Variants in SNAP91 observed in about 807,000 individuals in gnomAD.
SNAP91 encodes clathrin coat assembly protein AP180.
A neutral mutation model predicts 100.3 loss-of-function variants in SNAP91; 27 were observed. The ratio of observed to expected loss-of-function variants is 0.27; its 90% CI spans 0.20 to 0.37. The LOEUF is 0.37. SNAP91 is among the 10% of genes least tolerant of loss of function. The pLI, the probability that SNAP91 is intolerant of heterozygous loss-of-function variation, is 1.00. For missense variants in SNAP91, 986 were observed against 1,123.7 expected (o/e 0.88, Z 1.75); for synonymous variants, 404 against 398.6 (o/e 1.01, Z -0.16).
chr6:83,580,344 A>G (rs1274403272), intron 24 of SNAP91, 106 bp downstream of exon 24: 5 of 1,165,662 alleles, frequency 4.3e-6, no homozygotes, highest in African/African-American at 1.6e-5. Flanking sequence ...CCCATAAGAG[A>G]GTCCAGAAAC....
At position 83,601,355 on chromosome 6, in the gene SNAP91, T is replaced by C. The variant is rs1453162356; in HGVS notation, c.1240A>G (p.Thr414Ala). 6.2e-7 allele frequency: 1 copy of C among 1,613,522 alleles called. No homozygotes were observed. ...GCTGAGGCAGTTGCAATTTCAGCAG[T>C]TGTAGTAGGAGGGGTAGGTTCTGGT... ...FAPEPTPPTT[T>A]AEIATASASA... The change falls in exon 16 of 30, where the codon ACT (threonine) becomes GCT (alanine). Residue 414 changes from threonine to alanine, a missense_variant. Transcript: ENST00000369694.
chr6:83,692,869 C>G (rs970416198), intron 2 of SNAP91, among the ~76,000 whole-genome samples: 1 of 152,296 alleles, frequency 6.6e-6, no homozygotes, highest in South Asian at 2.1e-4. Flanking sequence ...CTTTACCCAT[C>G]TAGTTAATTA....
At chr6:83,680,377 C>T (rs2098971755) in intron 2 of SNAP91, among the ~76,000 whole-genome samples, 1 of 152,036 alleles carries the variant, frequency 6.6e-6, no homozygotes, top group African/African-American at 2.4e-5. Flanking sequence ...TTCATTCAAG[C>T]AGTAGAAAAA....
intron 22 of SNAP91, among the ~76,000 whole-genome samples, chr6:83,583,339 G>GT (rs1223538168): frequency 6.6e-5 from 10 of 152,064 alleles, no homozygotes; most frequent in Admixed American, 1.3e-4. Flanking sequence ...TTCTTTTCAT[G>GT]TTTTTTCCAC....
At position 83,593,279 on chromosome 6, in the gene SNAP91, T is replaced by C. The variant is rs201713356; in HGVS notation, c.1697-20A>G. 1.4e-4 allele frequency: 222 copies of C among 1,575,136 alleles called. No homozygotes were observed. In the African/African-American group the frequency reaches 2.7e-3, roughly 19 times the overall value. ...ATAAATCTAAGACCAAGAACACACA[T>C]GCCTTTACTCAACTTGAACAATAAG... is the stretch of plus-strand genomic sequence containing the variant. On this transcript the variant is annotated intron_variant, in intron 18 of 29. Coordinates refer to ENST00000369694, the MANE Select transcript of SNAP91 (RefSeq NM_001242792.2).
At chr6:83,611,266 T>G (rs531125773) in intron 11 of SNAP91, among the ~76,000 whole-genome samples, 3 of 152,226 alleles carry the variant, frequency 2.0e-5, no homozygotes, top group Admixed American at 6.5e-5. Flanking sequence ...ATTCCCATCA[T>G]CCTGTTATAA....
intron 6 of SNAP91, among the ~76,000 whole-genome samples, chr6:83,658,335 C>A (rs867622171): frequency 6.6e-6 from 1 of 152,040 alleles, no homozygotes; most frequent in South Asian, 2.1e-4. Flanking sequence ...CTAGGCCAGG[C>A]GTGGTGGCTC....
intron 7 of SNAP91, among the ~76,000 whole-genome samples, chr6:83,643,062 T>A (rs1433226078): frequency 1.3e-5 from 2 of 152,216 alleles, no homozygotes; most frequent in South Asian, 2.1e-4. Context: ...TAAATTTGTT[T>A]GAGTTCTTTG....
chr6:83,593,069 T>G, intron 19 of SNAP91, 52 bp from the exon 20 acceptor site: 1 of 1,541,974 alleles, frequency 6.5e-7, no homozygotes, highest in Non-Finnish European at 8.8e-7. Flanking sequence ...AGTAGAAAGC[T>G]GAAATCAAAG....
intron 7 of SNAP91, among the ~76,000 whole-genome samples, chr6:83,643,344 T>A (rs1053150866): frequency 6.6e-6 from 1 of 152,230 alleles, no homozygotes; most frequent in Non-Finnish European, 1.5e-5. Flanking sequence ...AAGTCTTTAA[T>A]CCATCTTGAA....
intron 6 of SNAP91, 99 bp from the exon 7 acceptor site, chr6:83,656,964 T>C: frequency 1.7e-6 from 1 of 599,318 alleles, no homozygotes; most frequent in South Asian, 2.1e-5. Flanking sequence ...AAGAAATTCA[T>C]GAATATTCTA....
chr6:83,600,320 C>T (rs1397820665), intron 16 of SNAP91, among the ~76,000 whole-genome samples: 2 of 152,096 alleles, frequency 1.3e-5, no homozygotes, highest in African/African-American at 4.8e-5. Flanking sequence ...AATGTATGTT[C>T]CCAGGGGTAC....
intron 7 of SNAP91, among the ~76,000 whole-genome samples, chr6:83,644,716 A>C (rs2097849040): frequency 6.6e-6 from 1 of 152,232 alleles, no homozygotes; most frequent in African/African-American, 2.4e-5. Flanking sequence ...TCAGGGAGAC[A>C]GCTTACTTAC....
At chr6:83,708,197 C>A in intron 1 of SNAP91, 1 of 435,164 alleles carries the variant, frequency 2.3e-6, no homozygotes, top group Admixed American at 4.6e-5. Context: ...CATCGTGACA[C>A]CGTCCCCATT....
At chr6:83,568,185 G>A (rs989491613) in intron 26 of SNAP91, among the ~76,000 whole-genome samples, 2 of 152,156 alleles carry the variant, frequency 1.3e-5, no homozygotes, top group African/African-American at 4.8e-5. Context: ...ATGAGTTCAC[G>A]TCTTTTGTAG....
At chr6:83,603,307 T>A (rs2095399572) in intron 14 of SNAP91, among the ~76,000 whole-genome samples, 2 of 152,172 alleles carry the variant, frequency 1.3e-5, no homozygotes, top group Admixed American at 6.5e-5. Flanking sequence ...GCCCATTAGC[T>A]TACCTATTGG....
chr6:83,565,568 T>C (rs1795383173), intron 26 of SNAP91, among the ~76,000 whole-genome samples: 1 of 152,202 alleles, frequency 6.6e-6, no homozygotes. Context: ...ATTTTTAATT[T>C]GTCTTTGATC....
intron 17 of SNAP91, among the ~76,000 whole-genome samples, 179 bp downstream of exon 17, chr6:83,594,195 A>T (rs980708024): frequency 6.6e-6 from 1 of 152,244 alleles, no homozygotes; most frequent in African/African-American, 2.4e-5. Context: ...GTCAATTTTG[A>T]TAAGTATGTA....
chr6:83,658,927 T>G, intron 6 of SNAP91, 72 bp downstream of exon 6: 2 of 1,139,436 alleles, frequency 1.8e-6, no homozygotes, highest in South Asian at 2.8e-5. Flanking sequence ...ATCTTTGGAT[T>G]TACCTGTAGC....
Sources: gnomAD v4.1 joint callset for allele counts (sites outside exome capture counted in the v4.1 genomes callset) on GRCh38, gnomAD v4.1.1 for gene constraint, MANE v1.5 for transcripts, NCBI Gene and HGNC (gene_info 2026-07-23, HGNC 2026-07-21) for gene names.